Variants in AKAP8 observed in about 807,000 individuals in gnomAD.
The protein encoded by AKAP8 is A-kinase anchor protein 8.
Under a neutral mutation model 67.5 loss-of-function variants are expected in AKAP8, and 24 were observed. That is an observed-to-expected ratio of 0.36 (90% CI 0.26 to 0.50). The LOEUF is 0.50. Ranked by LOEUF, AKAP8 falls within the 20% of genes least tolerant of loss-of-function variation. AKAP8 has a pLI of 0.97. For synonymous variants in AKAP8, 400 were observed against 371.1 expected, an observed-to-expected ratio of 1.08 and a Z score of -0.90; for missense variants, 971 against 955.9, an observed-to-expected ratio of 1.02 and a Z score of -0.21.
rs1479782377 is a variant in AKAP8 at position 15,379,532 on chromosome 19, C to G, written c.19+181G>C. ...GGCGGCCAATCCGCACGCAGAGCCCCGGGAGCGACGGCGCCAAAGCCCAAT... is the reference window on the plus strand; with the variant it reads ...GGCGGCCAATCCGCACGCAGAGCCCGGGGAGCGACGGCGCCAAAGCCCAAT... On this transcript the variant is annotated intron_variant, in intron 1 of 13. Transcript: ENST00000269701. 4.3e-5 allele frequency: 26 copies of G among 601,278 alleles called. No individual in the cohort carries two copies. In the East Asian group the frequency reaches 9.1e-4, roughly 21 times the overall value. The allele number at this position is 601,278 out of a possible 1,614,324, so 37.2% of individuals were successfully genotyped here.
At position 15,373,939 on chromosome 19, in the gene AKAP8, G is replaced by A; in HGVS notation, c.218C>T (p.Pro73Leu). ...ANDGGLAAGA[P>L]AMHMASYGPE... ...GCCGTAAGAGGCCATGTGCATGGCA[G>A]GGGCCCCGGCCGCCAGGCCGCCATC... Residue 73 changes from proline (P) to leucine (L), a missense_variant, in exon 4 of 14, where the codon CCT becomes CTT. Coordinates refer to ENST00000269701, the MANE Select transcript of AKAP8 (RefSeq NM_005858.4). The A allele has an allele frequency of 6.2e-7, 1 of 1,613,834 alleles. No homozygotes were observed. Among genetic ancestry groups the A allele is most frequent in the African/African-American group, 1.3e-5 (1 of 75,066 alleles).
intron 4 of AKAP8, 118 bp downstream of exon 4, chr19:15,373,668 A>G: frequency 7.7e-7 from 1 of 1,295,166 alleles, no homozygotes; most frequent in Non-Finnish European, 1.0e-6. Context: ...CAACTCGTCA[A>G]TGCCACACCC....
intron 2 of AKAP8, among the ~76,000 whole-genome samples, chr19:15,375,439 T>C (rs1967235487): frequency 6.6e-6 from 1 of 152,172 alleles, no homozygotes; most frequent in Non-Finnish European, 1.5e-5. Context: ...GGATGAATTT[T>C]ACGTTTTTAA....
chr19:15,373,655 G>A, intron 4 of AKAP8, 131 bp downstream of exon 4: 2 of 1,186,958 alleles, frequency 1.7e-6, no homozygotes, highest in South Asian at 1.6e-5. Flanking sequence ...CCCCCCACGA[G>A]CCCAACTCGT....
chr19:15,361,928 G>A, intron 10 of AKAP8, 106 bp from the exon 11 acceptor site: 3 of 1,353,030 alleles, frequency 2.2e-6, no homozygotes, highest in Non-Finnish European at 3.1e-6. Context: ...GCTGCGTGGG[G>A]CAGCACAGCA....
At chr19:15,379,562 G>A in intron 1 of AKAP8, 151 bp downstream of exon 1, 6 of 813,608 alleles carry the variant, frequency 7.4e-6, no homozygotes, top group South Asian at 2.2e-5. Flanking sequence ...CCCAATGAGC[G>A]GCGCGCGCGC....
chr19:15,374,398 A>G (rs935524374), intron 3 of AKAP8, among the ~76,000 whole-genome samples: 1 of 152,190 alleles, frequency 6.6e-6, no homozygotes, highest in African/African-American at 2.4e-5. Flanking sequence ...GCACGGTCGC[A>G]GTCCTCCCCA....
rs944087213 is a variant in AKAP8 at position 15,354,691 on chromosome 19, G to T, written c.*224C>A. 1.2e-5 allele frequency: 7 copies of T among 583,050 alleles called. No homozygotes were observed. The highest frequency in any genetic ancestry group is 2.1e-5 in the Non-Finnish European group (7 of 328,580). 36.1% of individuals were successfully genotyped at this position (583,050 alleles called of 1,614,324 possible). On this transcript the variant is annotated 3_prime_UTR_variant, in exon 14 of 14. Coordinates refer to ENST00000269701, the MANE Select transcript of AKAP8 (RefSeq NM_005858.4). ...TACTGTCAAGAGACATGTTACAGCC[G>T]CTAAGGACAATGTACTTCAGCTTTG...
chr19:15,356,119 GGCCGGGCGTGAT>G (rs1454165449), intron 13 of AKAP8, among the ~76,000 whole-genome samples: 1 of 152,080 alleles, frequency 6.6e-6, no homozygotes, highest in African/African-American at 2.4e-5. Context: ...AAGGGCATGA[GGCCGGGCGTGAT>G]GGCTCACACC....
chr19:15,373,174 G>C lies in AKAP8; in HGVS notation c.538C>G (p.Arg180Gly), dbSNP rs749357933. The C allele has an allele frequency of 6.2e-7, 1 of 1,613,592 alleles. No individual in the cohort carries two copies. Among genetic ancestry groups the C allele is most frequent in the Non-Finnish European group, 8.5e-7 (1 of 1,180,000 alleles). The change falls in exon 5 of 14, where the codon CGG becomes GGG. Residue 180 changes from arginine (R) to glycine (G), a missense_variant. By Grantham distance (125) the Arg-to-Gly change is moderately radical. Coordinates refer to ENST00000269701, the MANE Select transcript of AKAP8 (RefSeq NM_005858.4). ...CGCATGAAGCCATCAAGGGAGCCCC[G>C]CTCCCGGGCTGGGTCTCGGCATTCA... is the stretch of plus-strand genomic sequence containing the variant. Reference protein sequence around the residue: ...YSECRDPARERGSLDGFMRGR... With the variant: ...YSECRDPAREGGSLDGFMRGR...
chr19:15,356,347 G>A (rs147407353), intron 13 of AKAP8, among the ~76,000 whole-genome samples: 2,189 of 152,188 alleles, frequency 0.014, 53 homozygotes, highest in African/African-American at 0.051. Context: ...GGAGCTTGCA[G>A]TAAGTCGAGA....
At chr19:15,373,510 C>A (rs1203251891) in intron 4 of AKAP8, among the ~76,000 whole-genome samples, 170 bp from the exon 5 acceptor site, 4 of 152,140 alleles carry the variant, frequency 2.6e-5, no homozygotes, top group Non-Finnish European at 1.5e-5. Context: ...TGGAACACTG[C>A]TGAGCAGGGG....
intron 6 of AKAP8, 67 bp downstream of exon 6, chr19:15,372,151 G>C: frequency 6.2e-7 from 1 of 1,608,252 alleles, no homozygotes; most frequent in South Asian, 1.1e-5. Context: ...GATGGGGCAA[G>C]CAGAGCCCCC....
intron 9 of AKAP8, 81 bp downstream of exon 9, chr19:15,368,154 G>A: frequency 6.4e-7 from 1 of 1,563,964 alleles, no homozygotes; most frequent in African/African-American, 1.3e-5. Context: ...CCAGCATTGT[G>A]GAGCGAGGAC....
At chr19:15,366,148 C>CAAAA (rs1419505135) in intron 9 of AKAP8, among the ~76,000 whole-genome samples, 2 of 18,750 alleles carry the variant, frequency 1.1e-4, no homozygotes, top group Non-Finnish European at 1.9e-4. Context: ...GAAAAAAAAG[C>CAAAA]AAAAAGAAAA....
intron 4 of AKAP8, among the ~76,000 whole-genome samples, 189 bp from the exon 5 acceptor site, chr19:15,373,529 C>T (rs1406422023): frequency 1.3e-5 from 2 of 152,150 alleles, no homozygotes; most frequent in Non-Finnish European, 2.9e-5. Context: ...GGACAGAGCC[C>T]CTGGCCACAG....
chr19:15,370,002 A>AGGCCCATCTGGTGGCTGC, intron 8 of AKAP8, 144 bp downstream of exon 8: 1 of 949,874 alleles, frequency 1.1e-6, no homozygotes, highest in Non-Finnish European at 1.7e-6. Context: ...GCCACGGTCA[A>AGGCCCATCTGGTGGCTGC]GGCCCATCTG....
Position 15,373,857 on chromosome 19 carries a change from C to T in AKAP8, c.300G>A (p.Leu100=). ...TGCCTCCTTCCTTGGACATCATGTC[C>T]AAACGCTGGTTGATCTTGGCAATGA... The part of the protein sequence containing the change: ...DSLIAKINQR[L]DMMSKEGGRG... The change falls in exon 4 of 14, where the codon TTG becomes TTA. Residue 100 remains leucine, a synonymous_variant. Transcript: ENST00000269701. The T allele has an allele frequency of 1.9e-6, 3 of 1,612,912 alleles. No homozygotes were observed. The highest frequency in any genetic ancestry group is 2.5e-6 in the Non-Finnish European group (3 of 1,179,934).
At chr19:15,363,326 G>A (rs942043815) in intron 9 of AKAP8, among the ~76,000 whole-genome samples, 13 of 140,228 alleles carry the variant, frequency 9.3e-5, no homozygotes, top group East Asian at 4.5e-4. Flanking sequence ...CCCTCTGCCC[G>A]GCCAGCCGCT....
Sources: gnomAD v4.1 joint callset for allele counts (sites outside exome capture counted in the v4.1 genomes callset) on GRCh38, gnomAD v4.1.1 for gene constraint, MANE v1.5 for transcripts, NCBI Gene and HGNC (gene_info 2026-07-23, HGNC 2026-07-21) for gene names.